Variants in NSFL1C observed in about 807,000 individuals in gnomAD.
The protein encoded by NSFL1C is NSFL1 cofactor p47.
Under a neutral mutation model 43.1 loss-of-function variants are expected in NSFL1C, and 14 were observed. The ratio of observed to expected loss-of-function variants is 0.32; its 90% CI spans 0.21 to 0.51. The LOEUF (loss-of-function observed/expected upper bound fraction) is 0.51. Among genes scored for constraint, NSFL1C ranks in the 20% least tolerant of loss-of-function variants. NSFL1C has a pLI of 0.98. For synonymous variants in NSFL1C, 171 were observed against 183.5 expected (o/e 0.93, Z 0.55); for missense variants, 406 against 472.5 (o/e 0.86, Z 1.30).
chr20:1,466,329 A>T (rs556873961), intron 1 of NSFL1C, among the ~76,000 whole-genome samples: 1 of 152,326 alleles, frequency 6.6e-6, no homozygotes, highest in African/African-American at 2.4e-5. Context: ...GGAAGTGGAA[A>T]TGAGCGGCCA....
At chr20:1,466,691 A>G in intron 1 of NSFL1C, 29 bp downstream of exon 1, 1 of 1,529,014 alleles carries the variant, frequency 6.5e-7, no homozygotes, top group Non-Finnish European at 8.8e-7. Context: ...TCCCCGGCCC[A>G]CCCGACACAG....
intron 2 of NSFL1C, among the ~76,000 whole-genome samples, chr20:1,460,166 TTC>T (rs1355012165): frequency 6.6e-6 from 1 of 152,222 alleles, no homozygotes; most frequent in African/African-American, 2.4e-5. Context: ...CCTATGGGCT[TTC>T]TGTGTGCAGG....
chr20:1,464,352 T>C lies in NSFL1C; in HGVS notation c.180A>G (p.Ser60=), dbSNP rs147856921. 2,997 of 1,614,250 alleles carry C rather than the reference T, an allele frequency of 1.9e-3. 3 individuals are homozygous for C. The highest frequency in any genetic ancestry group is 2.2e-3 in the Non-Finnish European group (2,582 of 1,180,038). The change falls in exon 2 of 9, where the codon TCA becomes TCG. Residue 60 remains serine, a synonymous_variant. Coordinates refer to ENST00000216879, the MANE Select transcript of NSFL1C (RefSeq NM_016143.5). The stretch of plus-strand genomic sequence containing the variant: ...ACCTGGGGGCTGTGCCTCTGGACAC[T>C]GAACTGGGGGTTGCCTGCGAAATGG... ...IVTISQATPS[S]VSRGTAPSDN...
intron 7 of NSFL1C, 192 bp from the exon 8 acceptor site, chr20:1,446,022 T>C: frequency 1.6e-6 from 1 of 618,040 alleles, no homozygotes; most frequent in East Asian, 2.8e-5. Flanking sequence ...CTTCAAACCC[T>C]GAGTCATATA....
intron 7 of NSFL1C, chr20:1,446,084 C>A: frequency 1.8e-6 from 1 of 555,976 alleles, no homozygotes; most frequent in South Asian, 1.9e-5. Flanking sequence ...GGGCAAGTTA[C>A]TCGGCCTTTT....
chr20:1,449,915 A>C (rs1169833354), intron 7 of NSFL1C, among the ~76,000 whole-genome samples: 1 of 152,164 alleles, frequency 6.6e-6, no homozygotes, highest in Non-Finnish European at 1.5e-5. Flanking sequence ...TGCTGTTTGC[A>C]ATTCGAACCT....
chr20:1,454,573 T>C (rs1208013391), intron 4 of NSFL1C, among the ~76,000 whole-genome samples: 5 of 152,240 alleles, frequency 3.3e-5, no homozygotes, highest in Non-Finnish European at 5.9e-5. Flanking sequence ...TACTAAACTC[T>C]CATTAACCGT....
intron 1 of NSFL1C, among the ~76,000 whole-genome samples, chr20:1,466,396 C>T (rs2090511863): frequency 6.6e-6 from 1 of 152,258 alleles, no homozygotes; most frequent in Non-Finnish European, 1.5e-5. Context: ...GCCCGGCCTC[C>T]AGCAGATACT....
intron 2 of NSFL1C, among the ~76,000 whole-genome samples, chr20:1,461,865 C>A (rs1410559719): frequency 6.6e-6 from 1 of 152,130 alleles, no homozygotes; most frequent in African/African-American, 2.4e-5. Flanking sequence ...GTGCCTCACT[C>A]GTAAATACTC....
chr20:1,452,898 T>A (rs1004006014), intron 6 of NSFL1C, 133 bp downstream of exon 6: 14 of 724,000 alleles, frequency 1.9e-5, no homozygotes, highest in Non-Finnish European at 3.2e-5. Context: ...AGCAGATCTA[T>A]GAATCCGTAT....
chr20:1,466,294 G>A (rs1298673850), intron 1 of NSFL1C, among the ~76,000 whole-genome samples: 1 of 152,334 alleles, frequency 6.6e-6, no homozygotes, highest in East Asian at 1.9e-4. Context: ...AGGCTGGGCG[G>A]CGGTCAACTC....
Position 1,445,751 on chromosome 20 carries a change from T to C in NSFL1C, c.865A>G (p.Ile289Val), listed in dbSNP as rs766121678. ...NEAKASSSIL[I>V]DESEPTTNIQ... ...TTTGTGGTAGGCTCTGATTCGTCGA[T>C]TAAGATGGAAGAGCTGGCTTTGGCT... The change falls in exon 8 of 9, where the codon ATC becomes GTC. Residue 289 changes from isoleucine to valine, a missense_variant. Physicochemically the swap from Ile to Val is conservative, Grantham distance 29. Around this residue, in one of 3 missense-constraint regions of NSFL1C, gnomAD observed 196 missense variants for 228.0 expected, o/e 0.86. Transcript: ENST00000216879. 2 of 1,614,030 alleles carry C rather than the reference T, an allele frequency of 1.2e-6. No individual in the cohort carries two copies. Among genetic ancestry groups the C allele is most frequent in the Non-Finnish European group, 1.7e-6 (2 of 1,179,972 alleles).
intron 7 of NSFL1C, among the ~76,000 whole-genome samples, chr20:1,447,323 C>A (rs540392339): frequency 6.6e-5 from 10 of 152,258 alleles, no homozygotes; most frequent in African/African-American, 2.4e-4. Context: ...AAGCTCTGCA[C>A]CAAGCTTGTC....
At position 1,466,709 on chromosome 20, in the gene NSFL1C, C is replaced by A. The variant is rs1259131659; in HGVS notation, c.105+11G>T. The A allele has an allele frequency of 6.5e-7, 1 of 1,540,938 alleles. No homozygotes were observed. The highest frequency in any genetic ancestry group is 1.9e-5 in the Admixed American group (1 of 51,908). ...CCGGCCCACCCGACACAGCCCGCCG[C>A]GCGGCGCTACCTGCAAGTCCCAGCC... On this transcript the variant is annotated intron_variant, in intron 1 of 8. Transcript: ENST00000216879.
chr20:1,444,355 C>T (rs1004931144), intron 8 of NSFL1C, among the ~76,000 whole-genome samples: 22 of 152,194 alleles, frequency 1.4e-4, no homozygotes, highest in Non-Finnish European at 2.8e-4. Context: ...CCTCCTTCCA[C>T]GTTTCTGGGA....
chr20:1,454,166 G>T, intron 5 of NSFL1C, 47 bp downstream of exon 5: 1 of 1,461,516 alleles, frequency 6.8e-7, no homozygotes, highest in Non-Finnish European at 9.6e-7. Flanking sequence ...CAGAAAAATG[G>T]CAGAACAGTC....
At position 1,466,774 on chromosome 20, in the gene NSFL1C, G is replaced by C. The variant is rs1404818760; in HGVS notation, c.51C>G (p.Gly17=). Residue 17 remains glycine, a synonymous_variant, in exon 1 of 9, where the codon GGC becomes GGG. Coordinates refer to ENST00000216879, the MANE Select transcript of NSFL1C (RefSeq NM_016143.5). The stretch of plus-strand genomic sequence containing the variant: ...AGAAGCGGGCCCGGTCCTCCTCGGC[G>C]CCCGTCACCGCCACGAACTCCCTCA... The part of the protein sequence containing the change: ...EALREFVAVT[G]AEEDRARFFL... 3.2e-6 allele frequency: 5 copies of C among 1,559,602 alleles called. No individual in the cohort carries two copies. In the African/African-American group the frequency reaches 5.6e-5, roughly 17 times the overall value.
At chr20:1,454,564 A>C (rs111367451) in intron 4 of NSFL1C, among the ~76,000 whole-genome samples, 12 of 152,398 alleles carry the variant, frequency 7.9e-5, no homozygotes, top group African/African-American at 2.9e-4. Context: ...AACAGATGCT[A>C]CTAAACTCTC....
In NSFL1C at chr20:1,453,093, A is replaced by G; in HGVS notation, c.585T>C (p.Asn195=). Residue 195 remains asparagine (N), a synonymous_variant, in exon 6 of 9, where the codon AAT becomes AAC. Coordinates refer to ENST00000216879, the MANE Select transcript of NSFL1C (RefSeq NM_016143.5). ...GGTCTTGGTAGCTTCTGAGTTCTCC[A>G]TTATCCAGGCTGAATCCACTCTTCC... ...KLWKSGFSLD[N]GELRSYQDPS... is the part of the protein sequence containing the mutation. The G allele has an allele frequency of 2.5e-6, 4 of 1,613,504 alleles. No homozygotes were observed. The highest frequency in any genetic ancestry group is 4.5e-5 in the East Asian group (2 of 44,880).
Sources: gnomAD v4.1 joint callset for allele counts (sites outside exome capture counted in the v4.1 genomes callset) on GRCh38, gnomAD v4.1.1 for gene constraint, gnomAD v4.1.1 regional missense constraint, MANE v1.5 for transcripts, NCBI Gene and HGNC (gene_info 2026-07-23, HGNC 2026-07-21) for gene names.